Variants in MTERF4 observed in about 807,000 individuals in gnomAD.
MTERF4 encodes transcription termination factor 4, mitochondrial.
In MTERF4, 17 loss-of-function variants were observed where a neutral mutation model predicts 22.5. The observed-to-expected ratio is 0.75, with a 90% CI of 0.52 to 1.13. MTERF4 has a LOEUF of 1.13. Among genes scored for constraint, MTERF4 ranks in the 50% most tolerant of loss-of-function variants. The pLI is 0.00. For missense variants in MTERF4, 420 were observed against 466.8 expected (o/e 0.90, Z 0.92); for synonymous variants, 165 against 175.3 (o/e 0.94, Z 0.47).
At chr2:241,087,759 CAG>C, downstream of MTERF4, 1 of 1,210,084 alleles carries the variant, frequency 8.3e-7, no homozygotes, top group Non-Finnish European at 1.1e-6. Context: ...TTGGGAAGCA[CAG>C]GGTGTTACGG....
the MTERF4 span, chr2:241,048,217 C>T: frequency 7.3e-7 from 1 of 1,368,326 alleles, no homozygotes; most frequent in Non-Finnish European, 9.7e-7. Context: ...GGAATGACAA[C>T]AGAGGTGAAA....
In MTERF4 at chr2:241,099,594, G is replaced by A. The variant is rs1192368103; in HGVS notation, c.322C>T (p.His108Tyr). Reference protein sequence around the residue: ...SLLDMGFSNAHINELLSVRRG... With the variant: ...SLLDMGFSNAYINELLSVRRG... ...CGTACACTGAGCAATTCATTAATAT[G>A]GGCATTGCTGAAACCCATGTCCAGG... The change falls in exon 2 of 4, where the codon CAT becomes TAT. Residue 108 changes from histidine (H) to tyrosine (Y), a missense_variant. Coordinates refer to ENST00000391980, the MANE Select transcript of MTERF4 (RefSeq NM_182501.4). The A allele has an allele frequency of 6.8e-6, 11 of 1,614,050 alleles. No individual in the cohort carries two copies. Among genetic ancestry groups the A allele is most frequent in the Admixed American group, 1.7e-5 (1 of 60,002 alleles).
chr2:241,096,168 C>T lies in MTERF4; in HGVS notation c.976G>A (p.Glu326Lys), dbSNP rs761828154. The change falls in exon 4 of 4, where the codon GAG becomes AAG. Residue 326 changes from glutamate (E) to lysine (K), a missense_variant. Coordinates refer to ENST00000391980, the MANE Select transcript of MTERF4 (RefSeq NM_182501.4). The surrounding 1 kb of genome is among the most constrained non-coding windows in gnomAD (Gnocchi z 5.1). ...TCATCAGATGTGCTGCTCTCAGACT[C>T]CTCCTCCTCCCGAGCCAGGAGCTTC... Reference protein sequence around the residue: ...FKKLLAREEEESESSTSDDKR... With the variant: ...FKKLLAREEEKSESSTSDDKR... The T allele has an allele frequency of 1.9e-6, 3 of 1,613,830 alleles. No homozygotes were observed. The highest frequency in any genetic ancestry group is 2.7e-5 in the African/African-American group (2 of 74,892).
Position 241,073,256 on chromosome 2 carries a change from C to T in MTERF4, n.2906G>A. The stretch of plus-strand genomic sequence containing the variant: ...GCTGCGCCGTGTGGTCACCGCCTGG[C>T]TTCTCCTAGAACCCACAGCCTCGGC... On this transcript the variant is annotated non_coding_transcript_exon_variant, in exon 5 of 5. Transcript: ENST00000464344. The surrounding 1 kb of genome is among the most constrained non-coding windows in gnomAD (Gnocchi z 6.6). 7.1e-6 allele frequency: 11 copies of T among 1,549,580 alleles called. No homozygotes were observed. Among genetic ancestry groups the T allele is most frequent in the Non-Finnish European group, 9.6e-6 (11 of 1,145,246 alleles).
Position 241,073,912 on chromosome 2 carries a change from C to T in MTERF4, n.2250G>A. Reference sequence around the variant, plus strand: ...TGCAGGGCACCAAGCATCTGCTGAGCACCTGCAGTAAGAGTTCCCAGACGC... The same window carrying T: ...TGCAGGGCACCAAGCATCTGCTGAGTACCTGCAGTAAGAGTTCCCAGACGC... On this transcript the variant is annotated non_coding_transcript_exon_variant, in exon 5 of 5. Coordinates refer to the MTERF4 transcript ENST00000464344. The surrounding 1 kb of genome is among the most constrained non-coding windows in gnomAD (Gnocchi z 6.6). 6.1e-6 allele frequency: 1 copy of T among 162,922 alleles called. No homozygotes were observed. The highest frequency in any genetic ancestry group is 1.3e-5 in the Non-Finnish European group (1 of 75,224). 10.1% of individuals were successfully genotyped at this position (162,922 alleles called of 1,614,324 possible). A position where few individuals can be genotyped will look rare whatever the true frequency, so the allele number is the denominator to read the frequency against.
downstream of MTERF4, chr2:241,089,885 A>G: frequency 6.7e-7 from 1 of 1,497,828 alleles, no homozygotes; most frequent in Non-Finnish European, 8.9e-7. Context: ...GTTACTGAAT[A>G]CTGTAGGCGG....
chr2:241,066,550 GA>G, the MTERF4 span, among the ~76,000 whole-genome samples: 3 of 152,200 alleles, frequency 2.0e-5, no homozygotes, highest in Non-Finnish European at 4.4e-5. Flanking sequence ...ACAGGAGCAA[GA>G]ATGGGGAAGG....
In MTERF4 at chr2:241,096,354, T is replaced by G. The variant is rs2064422280; in HGVS notation, c.790A>C (p.Arg264=). The G allele has an allele frequency of 6.2e-7, 1 of 1,614,082 alleles. No homozygotes were observed. Among genetic ancestry groups the G allele is most frequent in the African/African-American group, 1.3e-5 (1 of 74,924 alleles). ...LQYSLTKIKQ[R]HIYLERLGRY... is the part of the protein sequence containing the mutation. ...CCCAGGCGCTCCAGGTAAATGTGTC[T>G]CTGCTTAATCTTGGTTAGTGAATAC... Residue 264 remains arginine, a synonymous_variant, in exon 4 of 4, where the codon AGA becomes CGA. Coordinates refer to ENST00000391980, the MANE Select transcript of MTERF4 (RefSeq NM_182501.4). The surrounding 1 kb of genome is among the most constrained non-coding windows in gnomAD (Gnocchi z 5.1).
chr2:241,098,468 G>A (rs1336298615), intron 2 of MTERF4, among the ~76,000 whole-genome samples: 2 of 152,000 alleles, frequency 1.3e-5, no homozygotes, highest in Non-Finnish European at 2.9e-5. Context: ...AGTGGGTAAG[G>A]GTCCTTGGAG....
At chr2:241,089,320 T>G (rs1438555352), downstream of MTERF4, 4 of 1,550,344 alleles carry the variant, frequency 2.6e-6, no homozygotes. Flanking sequence ...TGAGGCACCC[T>G]TGGGTAACAA....
chr2:241,068,818 T>C (rs2062579339), downstream of MTERF4: 2 of 849,694 alleles, frequency 2.4e-6, no homozygotes, highest in South Asian at 3.5e-5. The surrounding 1 kb of genome is among the most constrained non-coding windows in gnomAD (Gnocchi z 5.3). Flanking sequence ...CTCCCCGCAG[T>C]CACCTCCTGC....
chr2:241,101,033 CTTCA>C (rs1184741759), intron 1 of MTERF4: 6 of 405,866 alleles, frequency 1.5e-5, no homozygotes, highest in African/African-American at 1.2e-4. Flanking sequence ...CAGGGACTGG[CTTCA>C]TGGAAGACAA....
chr2:241,077,244 G>C (rs1032745853), intron 4 of MTERF4, among the ~76,000 whole-genome samples: 2 of 152,102 alleles, frequency 1.3e-5, no homozygotes, highest in Admixed American at 6.6e-5. Context: ...CGGAGCCCTC[G>C]TACCATATAC....
chr2:241,098,305 T>C (rs1194157556), intron 2 of MTERF4, among the ~76,000 whole-genome samples: 2 of 152,252 alleles, frequency 1.3e-5, no homozygotes, highest in Non-Finnish European at 2.9e-5. Context: ...AAGAAAAATA[T>C]ACAAGGCTAC....
downstream of MTERF4, among the ~76,000 whole-genome samples, chr2:241,084,848 A>AT (rs968090177): frequency 6.7e-5 from 10 of 150,296 alleles, no homozygotes; most frequent in Admixed American, 1.3e-4. Context: ...GTCTGAAACT[A>AT]TTTTTTTTTC....
At chr2:241,044,193 G>T in the MTERF4 span, among the ~76,000 whole-genome samples, 5 of 152,332 alleles carry the variant, frequency 3.3e-5, no homozygotes, top group Admixed American at 2.0e-4. Context: ...GATAGGTTCA[G>T]TCTAGTCATA....
the MTERF4 span, chr2:241,048,738 G>T: frequency 6.2e-7 from 1 of 1,612,112 alleles, no homozygotes; most frequent in East Asian, 2.2e-5. Flanking sequence ...AGTGCCCCCT[G>T]GGATTCTTTG....
chr2:241,087,991 T>G, downstream of MTERF4: 1 of 398,354 alleles, frequency 2.5e-6, no homozygotes. Flanking sequence ...ACGTACTTGT[T>G]TGGCATTACC....
At chr2:241,102,126 C>A in intron 1 of MTERF4, 127 bp downstream of exon 1, 1 of 1,324,220 alleles carries the variant, frequency 7.6e-7, no homozygotes, top group South Asian at 1.3e-5. Context: ...AAAACCAGGT[C>A]AGCGTGCACG....
Sources: gnomAD v4.1 joint callset for allele counts (sites outside exome capture counted in the v4.1 genomes callset) on GRCh38, gnomAD v4.1.1 for gene constraint, Gnocchi (gnomAD v3.1) non-coding constraint, MANE v1.5 for transcripts, NCBI Gene and HGNC (gene_info 2026-07-23, HGNC 2026-07-21) for gene names.